Variants in ELP1 observed in about 807,000 individuals in gnomAD.
ELP1 encodes the protein elongator complex protein 1.
Under a neutral mutation model 183.2 loss-of-function variants are expected in ELP1, and 131 were observed. The observed-to-expected ratio is 0.72, with a 90% CI of 0.62 to 0.83. The LOEUF (loss-of-function observed/expected upper bound fraction) is 0.83, where lower values mean the gene tolerates loss of function less well. Ranked by LOEUF, ELP1 falls within the 40% of genes least tolerant of loss-of-function variation. ELP1 has a pLI of 0.00. For missense variants in ELP1, 1,550 were observed against 1,594.9 expected (o/e 0.97, Z 0.48); for synonymous variants, 555 against 569.0 (o/e 0.98, Z 0.35).
intron 6 of ELP1, among the ~76,000 whole-genome samples, chr9:108,922,493 C>A (rs959758963): frequency 1.1e-4 from 16 of 152,198 alleles, no homozygotes; most frequent in Non-Finnish European, 2.2e-4. Flanking sequence ...TGAGAACATG[C>A]ATGTGAATGA....
rs1827426984 is a variant in ELP1, at chr9:108,870,923, CT to C, written c.3932-1742del. The stretch of plus-strand genomic sequence containing the variant: ...ATTCCTCCGGTGTGATGTCTATCAC[CT>C]CTTGAATTTCTCCAAGATTCCTATC... On this transcript the variant is annotated intron_variant, in intron 36 of 36. Transcript: ENST00000374647. Among the ~76,000 whole-genome samples, 3 of 150,584 alleles carry C rather than the reference CT, an allele frequency of 2.0e-5. No individual in the cohort carries two copies. The South Asian group carries it at 6.3e-4, about 32-fold the overall frequency.
rs772649069 is a variant in ELP1 at position 108,912,292 on chromosome 9, G to A, written c.1161C>T (p.Asp387=). Residue 387 remains aspartate (D), a synonymous_variant, in exon 11 of 37, where the codon GAC becomes GAT. Transcript: ENST00000374647. ...CATCAATGACAGCCACATTGGACAA[G>A]TCACTTGAATTATCTCCCACGCTCC... The part of the protein sequence containing the change: ...TDRSVGDNSS[D]LSNVAVIDGN... 6.2e-7 allele frequency: 1 copy of A among 1,614,136 alleles called. No homozygotes were observed. Among genetic ancestry groups the A allele is most frequent in the Admixed American group, 1.7e-5 (1 of 60,024 alleles).
At chr9:108,932,099 G>A (rs73526129) in intron 1 of ELP1, among the ~76,000 whole-genome samples, 11,827 of 152,158 alleles carry the variant, frequency 0.078, 1,074 homozygotes, top group African/African-American at 0.22. Flanking sequence ...TTAATCCAAG[G>A]AGACTTCTCT....
At position 108,904,391 on chromosome 9, in the gene ELP1, C is replaced by T. The variant is rs142800644; in HGVS notation, c.1644-722G>A. 8.6e-5 allele frequency among the ~76,000 whole-genome samples: 13 copies of T among 150,620 alleles called. No individual in the cohort carries two copies. The East Asian group carries it at 2.1e-3, about 25-fold the overall frequency. On this transcript the variant is annotated intron_variant, in intron 14 of 36. Transcript: ENST00000374647. ...TCTCAAGTAGCTTGGACCATAGCCA[C>T]GGAAGCAGAATTTCTCAAAAGAGGA...
chr9:108,890,982 T>C (rs1828308818), intron 28 of ELP1, among the ~76,000 whole-genome samples: 1 of 152,170 alleles, frequency 6.6e-6, no homozygotes, highest in Admixed American at 6.6e-5. Context: ...TATAAATCCC[T>C]ATGGGAGAGA....
At chr9:108,906,096 C>T (rs977612677) in intron 14 of ELP1, among the ~76,000 whole-genome samples, 1 of 152,110 alleles carries the variant, frequency 6.6e-6, no homozygotes, top group African/African-American at 2.4e-5. Context: ...AATATTTATC[C>T]TATTTTTCAC....
intron 36 of ELP1, 75 bp downstream of exon 36, chr9:108,874,820 C>A: frequency 9.9e-7 from 1 of 1,012,546 alleles, no homozygotes; most frequent in African/African-American, 1.6e-5. Flanking sequence ...CCTTATACTG[C>A]TGATCTTCTC....
At chr9:108,884,905 C>G (rs1587878245) in intron 29 of ELP1, among the ~76,000 whole-genome samples, 1 of 151,922 alleles carries the variant, frequency 6.6e-6, no homozygotes, top group East Asian at 1.9e-4. Context: ...ACTAGTAACA[C>G]CCCATCTCTA....
At position 108,902,924 on chromosome 9, in the gene ELP1, A is replaced by C; in HGVS notation, c.1769T>G (p.Ile590Ser). The C allele has an allele frequency of 6.2e-7, 1 of 1,613,956 alleles. No homozygotes were observed. The highest frequency in any genetic ancestry group is 1.1e-5 in the South Asian group (1 of 91,070). ...TCCACCAGAGTTCTTCCATGGTTTAATAGCCAGAGAAGGTGACTCTGCAAG... is the reference window on the plus strand; with the variant it reads ...TCCACCAGAGTTCTTCCATGGTTTACTAGCCAGAGAAGGTGACTCTGCAAG... ...KYLWESPSLA[I>S]KPWKNSGGFP... The change falls in exon 16 of 37, where the codon ATT becomes AGT. Residue 590 changes from isoleucine to serine, a missense_variant. By Grantham distance (142) the Ile-to-Ser change is moderately radical. Transcript: ENST00000374647.
rs138192941 is a variant in ELP1, at chr9:108,903,609, T to C, written c.1704A>G (p.Ser568=). The C allele has an allele frequency of 1.2e-4, 189 of 1,614,022 alleles. No homozygotes were observed. Among genetic ancestry groups the C allele is most frequent in the Non-Finnish European group, 1.5e-4 (175 of 1,179,950 alleles). The stretch of plus-strand genomic sequence containing the variant: ...GGCCATCAGCCAGCTGTAATACTAC[T>C]GACTTGGTCTTGGAATTGCAACATA... ...ISLCCNSKTK[S]VVLQLADGQI... is the part of the protein sequence containing the mutation. The change falls in exon 15 of 37, where the codon TCA becomes TCG. Residue 568 remains serine (S), a synonymous_variant. Transcript: ENST00000374647.
At chr9:108,889,674 C>G (rs200104254) in intron 28 of ELP1, 192 of 476,566 alleles carry the variant, frequency 4.0e-4, no homozygotes, top group East Asian at 3.9e-3. Flanking sequence ...CACTTCGTCC[C>G]TTAACAGTAA....
At chr9:108,889,942 T>A (rs549108166) in intron 28 of ELP1, among the ~76,000 whole-genome samples, 100 of 152,360 alleles carry the variant, frequency 6.6e-4, no homozygotes, top group Non-Finnish European at 9.1e-4. Context: ...TTTGCTCTCT[T>A]GTGTAAACTG....
intron 29 of ELP1, among the ~76,000 whole-genome samples, chr9:108,882,591 GTTCT>G (rs1332722804): frequency 7.4e-6 from 1 of 135,080 alleles, no homozygotes; most frequent in Non-Finnish European, 1.5e-5. Context: ...ATTTTTTTTT[GTTCT>G]TTTTTTTTTT....
Position 108,880,859 on chromosome 9 carries a change from G to A in ELP1, c.3347-694C>T, listed in dbSNP as rs77666823. Among the ~76,000 whole-genome samples the A allele has an allele frequency of 3.7e-3, 564 of 152,294 alleles. 4 individuals are homozygous for A. Among genetic ancestry groups the A allele is most frequent in the Middle Eastern group, 6.8e-3 (2 of 294 alleles). ...ATGACATAAAAAGTACCCCAGCAAC[G>A]TTTTAATTAGGATGGAGGAAGGGGG... On this transcript the variant is annotated intron_variant, in intron 31 of 36. Transcript: ENST00000374647.
chr9:108,887,138 G>A (rs1278906248), intron 29 of ELP1, among the ~76,000 whole-genome samples: 2 of 152,134 alleles, frequency 1.3e-5, no homozygotes, highest in Non-Finnish European at 2.9e-5. Context: ...GAGCCTAGGA[G>A]GTCAAGGTTG....
chr9:108,878,818 G>A (rs1485728607), intron 33 of ELP1, 68 bp from the exon 34 acceptor site: 2 of 1,572,958 alleles, frequency 1.3e-6, no homozygotes, highest in Middle Eastern at 2.2e-4. Context: ...GTGCTACCTT[G>A]CCTGGCTACT....
At chr9:108,911,925 G>A (rs546368119) in intron 11 of ELP1, among the ~76,000 whole-genome samples, 177 of 152,240 alleles carry the variant, frequency 1.2e-3, no homozygotes, top group Non-Finnish European at 2.4e-3. Context: ...ATAAATCTGT[G>A]TCAGGGCAAA....
intron 36 of ELP1, among the ~76,000 whole-genome samples, chr9:108,873,982 G>T (rs550080275): frequency 1.3e-5 from 2 of 152,296 alleles, no homozygotes; most frequent in Admixed American, 1.3e-4. Context: ...TTACAGTCTG[G>T]ATGTATGAGT....
At chr9:108,890,386 T>C (rs1176186366) in intron 28 of ELP1, among the ~76,000 whole-genome samples, 1 of 152,186 alleles carries the variant, frequency 6.6e-6, no homozygotes. Context: ...TTTAACAAAA[T>C]TTAACAGGAT....
Sources: allele counts gnomAD v4.1 joint callset (sites outside exome capture counted in the v4.1 genomes callset), GRCh38; gene constraint gnomAD v4.1.1; transcripts MANE v1.5; gene names NCBI Gene and HGNC (gene_info 2026-07-23, HGNC 2026-07-21).